Variants in ATRNL1 observed in about 807,000 individuals in gnomAD.
ATRNL1 encodes the protein attractin-like protein 1.
In ATRNL1, 95 loss-of-function variants were observed where a neutral mutation model predicts 182.7. The ratio of observed to expected loss-of-function variants is 0.52; its 90% CI spans 0.44 to 0.62. The LOEUF is 0.62. ATRNL1 is among the 20% of genes least tolerant of loss of function. The probability of loss-of-function intolerance (pLI) is 0.00; values close to 1 mark genes in which losing one functional copy is unlikely to be tolerated. For missense variants in ATRNL1, 1,471 were observed against 1,679.5 expected (o/e 0.88, Z 2.17); for synonymous variants, 576 against 568.3 (o/e 1.01, Z -0.19).
intron 26 of ATRNL1, among the ~76,000 whole-genome samples, chr10:115,619,454 T>A (rs1364017364): frequency 3.3e-5 from 5 of 151,710 alleles, no homozygotes; most frequent in Non-Finnish European, 7.4e-5. Flanking sequence ...CGAGTACACA[T>A]GAGCTTTGAT....
intron 1 of ATRNL1, among the ~76,000 whole-genome samples, chr10:115,095,020 T>G (rs1554862780): frequency 6.6e-6 from 1 of 152,224 alleles, no homozygotes; most frequent in African/African-American, 2.4e-5. Flanking sequence ...GAAGGTACTT[T>G]CTTCGTACTG....
chr10:115,548,693 A>G (rs1288935333), intron 25 of ATRNL1, among the ~76,000 whole-genome samples: 2 of 152,232 alleles, frequency 1.3e-5, no homozygotes, highest in Non-Finnish European at 2.9e-5. Flanking sequence ...TATTGCATAT[A>G]GTACCTAATA....
intron 20 of ATRNL1, among the ~76,000 whole-genome samples, chr10:115,413,419 A>G (rs1249188177): frequency 4.6e-5 from 7 of 152,126 alleles, no homozygotes; most frequent in Non-Finnish European, 1.0e-4. Context: ...AATTTTTATG[A>G]TGATGTTTAC....
Position 115,873,071 on chromosome 10 carries a change from G to T in ATRNL1, c.4018+25080G>T, listed in dbSNP as rs371508672. ...TACCCTGAAATGGGAGACGATAGCCGTGCGATAGCTGAGCATAATCAGTTG... is the reference window on the plus strand; with the variant it reads ...TACCCTGAAATGGGAGACGATAGCCTTGCGATAGCTGAGCATAATCAGTTG... On this transcript the variant is annotated intron_variant, in intron 28 of 28. Coordinates refer to ENST00000355044, the MANE Select transcript of ATRNL1 (RefSeq NM_207303.4). 9.3e-4 allele frequency among the ~76,000 whole-genome samples: 142 copies of T among 152,284 alleles called. 1 individual carries two copies. In the South Asian group the frequency reaches 0.015, roughly 16 times the overall value.
At chr10:115,481,205 A>T (rs901125291) in intron 24 of ATRNL1, among the ~76,000 whole-genome samples, 12 of 150,344 alleles carry the variant, frequency 8.0e-5, no homozygotes, top group Admixed American at 4.7e-4. Flanking sequence ...TAGTTTTAAT[A>T]TAATATTAAT....
intron 20 of ATRNL1, among the ~76,000 whole-genome samples, chr10:115,402,401 A>C (rs1844609261): frequency 6.6e-6 from 1 of 152,150 alleles, no homozygotes; most frequent in Non-Finnish European, 1.5e-5. Flanking sequence ...GTGGAACTCC[A>C]TAATTATGGA....
At chr10:115,457,962 A>T (rs1847609820) in intron 21 of ATRNL1, among the ~76,000 whole-genome samples, 1 of 151,882 alleles carries the variant, frequency 6.6e-6, no homozygotes, top group Admixed American at 6.6e-5. Flanking sequence ...CTTCATGCTA[A>T]TTTTTCATTT....
At chr10:115,164,792 A>G (rs1231518645) in intron 6 of ATRNL1, among the ~76,000 whole-genome samples, 3 of 152,162 alleles carry the variant, frequency 2.0e-5, no homozygotes, top group African/African-American at 7.2e-5. Context: ...ATAGGTGGAG[A>G]GTAGAATGGT....
At chr10:115,189,101 A>G (rs1483873111) in intron 8 of ATRNL1, among the ~76,000 whole-genome samples, 1 of 152,126 alleles carries the variant, frequency 6.6e-6, no homozygotes, top group Non-Finnish European at 1.5e-5. Context: ...TTATTCTGGA[A>G]CTGAAAAATT....
At chr10:115,414,352 T>G (rs1554960464) in intron 20 of ATRNL1, among the ~76,000 whole-genome samples, 1 of 151,566 alleles carries the variant, frequency 6.6e-6, no homozygotes, top group African/African-American at 2.4e-5. Context: ...CTTCTTTCAT[T>G]CCTTTTTTCC....
intron 10 of ATRNL1, among the ~76,000 whole-genome samples, chr10:115,245,857 A>T (rs1850615311): frequency 6.6e-6 from 1 of 152,312 alleles, no homozygotes; most frequent in Non-Finnish European, 1.5e-5. Flanking sequence ...TTACCTGGCC[A>T]TCTGAAAGAA....
intron 27 of ATRNL1, among the ~76,000 whole-genome samples, chr10:115,840,220 G>A (rs192236229): frequency 6.6e-6 from 1 of 151,988 alleles, no homozygotes; most frequent in Non-Finnish European, 1.5e-5. Flanking sequence ...GTTTGGCATT[G>A]GGATTAGATT....
intron 1 of ATRNL1, among the ~76,000 whole-genome samples, chr10:115,099,688 G>A (rs1042570982): frequency 6.6e-6 from 1 of 152,142 alleles, no homozygotes; most frequent in African/African-American, 2.4e-5. Context: ...AATTACTAAT[G>A]ATATTGAGTA....
intron 28 of ATRNL1, among the ~76,000 whole-genome samples, chr10:115,936,474 A>G (rs1953563217): frequency 6.6e-6 from 1 of 152,178 alleles, no homozygotes; most frequent in Non-Finnish European, 1.5e-5. Flanking sequence ...TTCTCAAATG[A>G]TTTTTTAATT....
intron 21 of ATRNL1, among the ~76,000 whole-genome samples, chr10:115,453,990 C>T (rs1342465358): frequency 2.0e-5 from 3 of 151,948 alleles, no homozygotes; most frequent in Non-Finnish European, 4.4e-5. Context: ...GTGAAGTTCT[C>T]TGTTGATAAG....
At chr10:115,383,633 A>G (rs1169393953) in intron 19 of ATRNL1, among the ~76,000 whole-genome samples, 3 of 151,974 alleles carry the variant, frequency 2.0e-5, no homozygotes, top group Admixed American at 6.6e-5. Context: ...AAATTGCAAA[A>G]TTCAGCATCG....
intron 20 of ATRNL1, among the ~76,000 whole-genome samples, chr10:115,411,052 A>G (rs1554959800): frequency 1.3e-5 from 2 of 152,112 alleles, no homozygotes; most frequent in African/African-American, 2.4e-5. Context: ...TTCATATTTA[A>G]TCATAAAAAT....
chr10:115,412,496 A>C (rs1845192591), intron 20 of ATRNL1, among the ~76,000 whole-genome samples: 1 of 152,208 alleles, frequency 6.6e-6, no homozygotes, highest in Non-Finnish European at 1.5e-5. Context: ...ATGTGTGTTG[A>C]TTATAGTTAC....
chr10:115,505,617 G>A (rs993804078), intron 24 of ATRNL1, among the ~76,000 whole-genome samples: 1 of 151,802 alleles, frequency 6.6e-6, no homozygotes, highest in Non-Finnish European at 1.5e-5. Context: ...TGTAGTAGAT[G>A]GTGCAAGAGA....
Sources: allele counts gnomAD v4.1 joint callset (sites outside exome capture counted in the v4.1 genomes callset), GRCh38; gene constraint gnomAD v4.1.1; transcripts MANE v1.5; gene names NCBI Gene and HGNC (gene_info 2026-07-23, HGNC 2026-07-21).